The following PDE4B variants were observed in gnomAD, a reference collection of about 807,000 sequenced individuals.
PDE4B encodes the protein 3',5'-cyclic-AMP phosphodiesterase 4B.
Under a neutral mutation model 82.2 loss-of-function variants are expected in PDE4B, and 20 were observed. The observed-to-expected ratio is 0.24, with a 90% CI of 0.17 to 0.35. The LOEUF (loss-of-function observed/expected upper bound fraction) is 0.35, where lower values mean the gene tolerates loss of function less well. Among genes scored for constraint, PDE4B ranks in the 10% least tolerant of loss-of-function variants. The pLI is 1.00. For missense variants in PDE4B, 655 were observed against 907.2 expected, an observed-to-expected ratio of 0.72 and a Z score of 3.57; for synonymous variants, 320 against 318.9, an observed-to-expected ratio of 1.00 and a Z score of -0.04.
intron 3 of PDE4B, among the ~76,000 whole-genome samples, chr1:66,011,399 A>C (rs1431411073): frequency 6.6e-6 from 1 of 152,070 alleles, no homozygotes; most frequent in Non-Finnish European, 1.5e-5. Flanking sequence ...AATGAAAAGG[A>C]CACTCATAAA....
intron 3 of PDE4B, among the ~76,000 whole-genome samples, chr1:66,239,250 G>A (rs989512662): frequency 1.3e-5 from 2 of 152,126 alleles, no homozygotes; most frequent in Non-Finnish European, 2.9e-5. Context: ...AAAATATTGA[G>A]CGAGTAGAAT....
chr1:66,311,271 G>A (rs6690590), intron 7 of PDE4B, among the ~76,000 whole-genome samples: 74,850 of 152,040 alleles, frequency 0.49, 19,293 homozygotes, highest in East Asian at 0.81. Context: ...CTTTATCAGC[G>A]AAACAGGTTT....
intron 3 of PDE4B, among the ~76,000 whole-genome samples, chr1:65,956,990 G>T (rs1464939110): frequency 6.6e-6 from 1 of 151,992 alleles, no homozygotes; most frequent in Admixed American, 6.6e-5. Flanking sequence ...CTTTACTGAA[G>T]ACTGGACAAT....
At chr1:66,311,753 T>C (rs1028583915) in intron 7 of PDE4B, among the ~76,000 whole-genome samples, 1 of 152,220 alleles carries the variant, frequency 6.6e-6, no homozygotes, top group Non-Finnish European at 1.5e-5. Flanking sequence ...ATTTCCCTCA[T>C]GACACACATT....
At chr1:65,883,330 G>A (rs6695557) in intron 1 of PDE4B, among the ~76,000 whole-genome samples, 75,936 of 151,852 alleles carry the variant, frequency 0.5, 19,340 homozygotes, top group African/African-American at 0.57. Context: ...CTTTTATTTC[G>A]CTGAGCAGTG....
chr1:66,034,853 C>G (rs1346767896), intron 3 of PDE4B, among the ~76,000 whole-genome samples: 1 of 152,162 alleles, frequency 6.6e-6, no homozygotes, highest in Non-Finnish European at 1.5e-5. Context: ...TTCAGTTTCT[C>G]CCAGAAAGCC....
At position 66,021,688 on chromosome 1, in the gene PDE4B, A is replaced by C. The variant is rs1420110627; in HGVS notation, c.281+102853A>C. On this transcript the variant is annotated intron_variant, in intron 3 of 16. Transcript: ENST00000341517. ...TGATCTATATCTCTGTTTTGGTACC[A>C]GTACCATGCTATTTTGGTTATTGTA... 3.9e-5 allele frequency among the ~76,000 whole-genome samples: 6 copies of C among 152,308 alleles called. No homozygotes were observed. In the East Asian group the frequency reaches 5.8e-4, roughly 15 times the overall value.
chr1:65,811,888 G>A (rs1210226014), intron 1 of PDE4B, among the ~76,000 whole-genome samples: 4 of 151,632 alleles, frequency 2.6e-5, no homozygotes, highest in Admixed American at 6.6e-5. Flanking sequence ...TTTCATTAAC[G>A]TTAAATAAAA....
rs953051773 is a variant in PDE4B at position 65,878,551 on chromosome 1, A to G, written c.-70-34694A>G. ...ATACGTCATGGAATACTATGCAGCC[A>G]TAAAAAAGGATGAGTTCATGTCCTT... On this transcript the variant is annotated intron_variant, in intron 1 of 16. Transcript: ENST00000341517. Among the ~76,000 whole-genome samples the G allele has an allele frequency of 3.9e-5, 6 of 152,374 alleles. No homozygotes were observed. In the South Asian group the frequency reaches 8.3e-4, roughly 21 times the overall value.
At chr1:66,371,093 A>ATTAT (rs2050748186) in intron 16 of PDE4B, among the ~76,000 whole-genome samples, 1 of 48,928 alleles carries the variant, frequency 2.0e-5, no homozygotes, top group Non-Finnish European at 4.0e-5. Flanking sequence ...CACACATCAT[A>ATTAT]CTATATATAT....
intron 3 of PDE4B, among the ~76,000 whole-genome samples, chr1:66,192,835 A>C (rs1647947567): frequency 6.6e-6 from 1 of 152,164 alleles, no homozygotes. Context: ...TTTACTGAGC[A>C]CTTGGTGTTT....
intron 3 of PDE4B, among the ~76,000 whole-genome samples, chr1:66,058,694 T>C (rs541508659): frequency 1.3e-5 from 2 of 152,244 alleles, no homozygotes; most frequent in East Asian, 3.9e-4. Context: ...CCCCTTTTAG[T>C]CATGGCTGGA....
chr1:66,270,217 G>A (rs1655364831), intron 7 of PDE4B, among the ~76,000 whole-genome samples: 1 of 152,204 alleles, frequency 6.6e-6, no homozygotes, highest in Admixed American at 6.5e-5. Flanking sequence ...AGAAAAGACT[G>A]TGTTCAGAGA....
At chr1:65,913,618 G>T (rs1369336689) in intron 2 of PDE4B, among the ~76,000 whole-genome samples, 3 of 152,142 alleles carry the variant, frequency 2.0e-5, no homozygotes, top group African/African-American at 7.2e-5. Flanking sequence ...TCTATGCCCA[G>T]ATCCTCACTC....
intron 3 of PDE4B, among the ~76,000 whole-genome samples, chr1:66,006,705 G>C (rs1193578023): frequency 6.6e-6 from 1 of 152,110 alleles, no homozygotes; most frequent in Non-Finnish European, 1.5e-5. Flanking sequence ...TCTCATGATA[G>C]TGGGTGAGTT....
At chr1:66,155,009 C>A (rs189728150) in intron 3 of PDE4B, among the ~76,000 whole-genome samples, 3 of 152,220 alleles carry the variant, frequency 2.0e-5, no homozygotes, top group Admixed American at 2.0e-4. Flanking sequence ...GACACCTCAT[C>A]TCTACAAAAA....
intron 3 of PDE4B, among the ~76,000 whole-genome samples, chr1:65,921,028 G>GCGGGATCT (rs1647231464): frequency 7.1e-6 from 1 of 140,094 alleles, no homozygotes; most frequent in African/African-American, 2.7e-5. Context: ...GAGTGCAGTG[G>GCGGGATCT]CGGGATCTCG....
intron 3 of PDE4B, among the ~76,000 whole-genome samples, chr1:66,022,565 CAT>C (rs1653192555): frequency 1.3e-5 from 2 of 152,128 alleles, no homozygotes; most frequent in East Asian, 3.8e-4. Flanking sequence ...TTGTGATAAT[CAT>C]GTGGTTTTTG....
rs571012868 is a variant in PDE4B, at chr1:65,925,284, G to C, written c.281+6449G>C. Among the ~76,000 whole-genome samples the C allele has an allele frequency of 6.1e-4, 93 of 152,088 alleles. 3 individuals are homozygous for C. In the South Asian group the frequency reaches 0.019, roughly 31 times the overall value. ...GCAGCAAACCACCATGGCACATGTT[G>C]TATGTAACAAACCTGCACATCCTGC... On this transcript the variant is annotated intron_variant, in intron 3 of 16. Transcript: ENST00000341517.
Sources: gnomAD v4.1 joint callset for allele counts (sites outside exome capture counted in the v4.1 genomes callset) on GRCh38, gnomAD v4.1.1 for gene constraint, MANE v1.5 for transcripts, NCBI Gene and HGNC (gene_info 2026-07-23, HGNC 2026-07-21) for gene names.